SLFN12L: variants seen among roughly 807,000 people sequenced by gnomAD.
SLFN12L encodes the protein schlafen family member 12-like.
A neutral mutation model predicts 34.8 loss-of-function variants in SLFN12L; 34 were observed. That is an observed-to-expected ratio of 0.98 (90% CI 0.74 to 1.30). The LOEUF (loss-of-function observed/expected upper bound fraction) is 1.30. Ranked by LOEUF, SLFN12L falls within the 50% of genes most tolerant of loss-of-function variation. The pLI is 0.00. For synonymous variants in SLFN12L, 259 were observed against 247.5 expected, an observed-to-expected ratio of 1.05 and a Z score of -0.44; for missense variants, 703 against 696.2, an observed-to-expected ratio of 1.01 and a Z score of -0.11.
chr17:35,501,674 A>C (rs1430060655), intron 2 of SLFN12L, among the ~76,000 whole-genome samples: 1 of 152,216 alleles, frequency 6.6e-6, no homozygotes, highest in African/African-American at 2.4e-5. Context: ...GAAAAATTTC[A>C]AGAAAAGATT....
intron 2 of SLFN12L, among the ~76,000 whole-genome samples, chr17:35,488,460 G>T (rs1280063058): frequency 6.6e-6 from 1 of 152,208 alleles, no homozygotes; most frequent in South Asian, 2.1e-4. Flanking sequence ...AGTTGGCTTC[G>T]AACAGTCCAG....
intron 2 of SLFN12L, chr17:35,510,121 A>G (rs1915591999): frequency 6.6e-6 from 1 of 152,276 alleles, no homozygotes. Context: ...CAGCCATGTA[A>G]GTCAAATTAA....
At chr17:35,525,637 A>G (rs2039369669) in intron 1 of SLFN12L, among the ~76,000 whole-genome samples, 1 of 152,222 alleles carries the variant, frequency 6.6e-6, no homozygotes, top group South Asian at 2.1e-4. Context: ...GAGAAATAAA[A>G]TCCTTTACAG....
intron 2 of SLFN12L, chr17:35,498,185 G>GGGGAGCCGGGGCCGCCTC: frequency 1.5e-6 from 1 of 687,868 alleles, no homozygotes; most frequent in Non-Finnish European, 2.6e-6. Flanking sequence ...GCGGCGGCGT[G>GGGGAGCCGGGGCCGCCTC]GGGAGCCGGG....
At chr17:35,531,765 T>C (rs956376851) in intron 1 of SLFN12L, among the ~76,000 whole-genome samples, 12 of 152,100 alleles carry the variant, frequency 7.9e-5, no homozygotes, top group Non-Finnish European at 1.6e-4. Context: ...TACAGGTTCC[T>C]GCCACCACGC....
intron 2 of SLFN12L, among the ~76,000 whole-genome samples, chr17:35,506,441 G>T (rs1915467548): frequency 6.6e-6 from 1 of 152,172 alleles, no homozygotes; most frequent in Non-Finnish European, 1.5e-5. Flanking sequence ...TGTACCAGTG[G>T]TCAGTGTAAC....
chr17:35,510,833 CA>C (rs34262146), intron 2 of SLFN12L, among the ~76,000 whole-genome samples: 295 of 139,430 alleles, frequency 2.1e-3, no homozygotes, highest in East Asian at 7.8e-3. Flanking sequence ...GAATTCACAG[CA>C]AAAAAAAAAA....
At chr17:35,533,458 CAA>C (rs2072430257) in intron 1 of SLFN12L, among the ~76,000 whole-genome samples, 1 of 152,140 alleles carries the variant, frequency 6.6e-6, no homozygotes, top group South Asian at 2.1e-4. Flanking sequence ...CTCCTATGGA[CAA>C]AAGTTTAGAA....
chr17:35,510,845 AAG>A (rs1555544017), intron 2 of SLFN12L, among the ~76,000 whole-genome samples: 2 of 151,898 alleles, frequency 1.3e-5, no homozygotes, highest in African/African-American at 2.4e-5. Flanking sequence ...AAAAAAAAAA[AAG>A]AAGAGAAAGG....
chr17:35,517,340 A>G (rs1915859833), intron 2 of SLFN12L, among the ~76,000 whole-genome samples: 1 of 152,364 alleles, frequency 6.6e-6, no homozygotes, highest in African/African-American at 2.4e-5. Context: ...AATACAACTT[A>G]CAAGGGACGT....
chr17:35,526,244 C>A (rs1372752299), intron 1 of SLFN12L, among the ~76,000 whole-genome samples: 2 of 152,170 alleles, frequency 1.3e-5, no homozygotes, highest in Non-Finnish European at 2.9e-5. Context: ...CTTAGACTCC[C>A]ACACAGTAAT....
chr17:35,490,229 G>C, intron 2 of SLFN12L: 1 of 1,569,784 alleles, frequency 6.4e-7, no homozygotes, highest in Non-Finnish European at 8.8e-7. Context: ...GTGAAGTCTG[G>C]AGCTAGGAGA....
intron 1 of SLFN12L, among the ~76,000 whole-genome samples, chr17:35,537,018 C>T (rs536649141): frequency 3.0e-4 from 46 of 151,766 alleles, no homozygotes; most frequent in African/African-American, 1.0e-3. Flanking sequence ...TCTACAGAAA[C>T]GAAAAAAATT....
chr17:35,489,864 G>C lies in SLFN12L; in HGVS notation c.87-9669C>G. 7.0e-6 allele frequency: 5 copies of C among 719,244 alleles called. No individual in the cohort carries two copies. The East Asian group carries it at 1.4e-4, about 19-fold the overall frequency. The allele number at this position is 719,244 out of a possible 1,614,324, so 44.6% of individuals were successfully genotyped here. ...GGCAGAAAACTGTCATCTACTTCCG[G>C]AGAGGAACACCAACCTTGTGGAATA... On this transcript the variant is annotated intron_variant, in intron 2 of 4. Transcript: ENST00000628453.
rs1232845218 is a variant in SLFN12L at position 35,470,975 on chromosome 17, T to A, written c.*3948A>T. Among the ~76,000 whole-genome samples, 1 of 152,208 alleles carries A rather than the reference T, an allele frequency of 6.6e-6. No individual in the cohort carries two copies. The highest frequency in any genetic ancestry group is 6.5e-5 in the Admixed American group (1 of 15,280). On this transcript the variant is annotated 3_prime_UTR_variant, in exon 5 of 5. Transcript: ENST00000628453. The stretch of plus-strand genomic sequence containing the variant: ...TGGCTTCCAGCTTCATCCATGTCCC[T>A]GCAAAGGTCATGATCTCATTCCTTT...
At chr17:35,476,381 G>T (rs187593948) in intron 4 of SLFN12L, among the ~76,000 whole-genome samples, 6 of 151,692 alleles carry the variant, frequency 4.0e-5, no homozygotes, top group African/African-American at 1.5e-4. Context: ...CAGGTGGATT[G>T]CTTGAGCCCA....
Position 35,479,691 on chromosome 17 carries a change from T to C in SLFN12L, c.591A>G (p.Arg197=), listed in dbSNP as rs779622830. The change falls in exon 3 of 5, where the codon AGA becomes AGG. Residue 197 remains arginine (R), a synonymous_variant. Transcript: ENST00000628453. ...CAGGGAATTCTGGTCTTAAATATGC[T>C]CTCCCTCCAGTTTTTTCCATGTCTT... ...FLKDMEKTGG[R]AYLRPEFPAK... is the part of the protein sequence containing the mutation. The C allele has an allele frequency of 1.4e-5, 22 of 1,613,602 alleles. No individual in the cohort carries two copies. In the South Asian group the frequency reaches 2.2e-4, roughly 16 times the overall value.
chr17:35,494,716 G>A (rs1318304436), intron 2 of SLFN12L, among the ~76,000 whole-genome samples: 2 of 152,186 alleles, frequency 1.3e-5, no homozygotes, highest in African/African-American at 4.8e-5. Flanking sequence ...AAGGGAGCAA[G>A]CTGGAGCAGG....
intron 2 of SLFN12L, among the ~76,000 whole-genome samples, chr17:35,481,413 T>C (rs1914332401): frequency 6.6e-6 from 1 of 152,240 alleles, no homozygotes; most frequent in Non-Finnish European, 1.5e-5. Flanking sequence ...TTCCACCCTG[T>C]ACACCTGGGT....
Sources: gnomAD v4.1 joint callset for allele counts (sites outside exome capture counted in the v4.1 genomes callset) on GRCh38, gnomAD v4.1.1 for gene constraint, MANE v1.5 for transcripts, NCBI Gene and HGNC (gene_info 2026-07-23, HGNC 2026-07-21) for gene names.